Variants in PCDHGA4 observed in about 807,000 individuals in gnomAD.
PCDHGA4 encodes the protein protocadherin gamma-A4.
Under a neutral mutation model 54.6 loss-of-function variants are expected in PCDHGA4, and 38 were observed. The observed-to-expected ratio is 0.70, with a 90% CI of 0.54 to 0.91. The LOEUF (loss-of-function observed/expected upper bound fraction) is 0.91, where lower values mean the gene tolerates loss of function less well. Among genes scored for constraint, PCDHGA4 ranks in the 40% least tolerant of loss-of-function variants. The probability of loss-of-function intolerance (pLI) is 0.00; values close to 1 mark genes in which losing one functional copy is unlikely to be tolerated. For missense variants in PCDHGA4, 1,298 were observed against 1,220.9 expected (o/e 1.06, Z -0.94); for synonymous variants, 511 against 512.9 (o/e 1.00, Z 0.05).
rs760367783 is a variant in PCDHGA4 at position 141,394,819 on chromosome 5, C to T, written c.2514+37198C>T. The T allele has an allele frequency of 2.5e-6, 4 of 1,613,890 alleles. No individual in the cohort carries two copies. In the South Asian group the frequency reaches 4.4e-5, roughly 18 times the overall value. On this transcript the variant is annotated intron_variant, in intron 1 of 3. Transcript: ENST00000571252. ...ACCGTAGCCGTGGCTGACAGCATCCCCGAAGTCCTGACCGAGTTGGGCAGT... is the reference window on the plus strand; with the variant it reads ...ACCGTAGCCGTGGCTGACAGCATCCTCGAAGTCCTGACCGAGTTGGGCAGT...
chr5:141,419,032 A>G (rs1421513275), intron 1 of PCDHGA4: 2 of 1,614,004 alleles, frequency 1.2e-6, no homozygotes, highest in Non-Finnish European at 1.7e-6. Flanking sequence ...GAGGTGTTCC[A>G]TTTAAGATTC....
chr5:141,415,755 T>C (rs753465209), intron 1 of PCDHGA4: 19 of 1,387,632 alleles, frequency 1.4e-5, no homozygotes, highest in Middle Eastern at 2.6e-4. Flanking sequence ...TTTTTTTTTT[T>C]TTTTTTTTTT....
intron 1 of PCDHGA4, among the ~76,000 whole-genome samples, chr5:141,407,761 G>T (rs938743690): frequency 6.6e-6 from 1 of 152,132 alleles, no homozygotes; most frequent in Non-Finnish European, 1.5e-5. Context: ...GTATAAGTTT[G>T]AAATTGTGCA....
chr5:141,374,773 A>T (rs192855761), intron 1 of PCDHGA4: 9 of 1,613,812 alleles, frequency 5.6e-6, no homozygotes, highest in Middle Eastern at 1.6e-4. Context: ...AAATTCTGGT[A>T]ACAGTTCTAG....
Position 141,355,069 on chromosome 5 carries a change from G to A in PCDHGA4, c.-39G>A, listed in dbSNP as rs1759706745. 7.5e-7 allele frequency: 1 copy of A among 1,342,004 alleles called. No individual in the cohort carries two copies. Among genetic ancestry groups the A allele is most frequent in the Non-Finnish European group, 1.0e-6 (1 of 999,940 alleles). The allele number at this position is 1,342,004 out of a possible 1,614,324, so 83.1% of individuals were successfully genotyped here. ...CAAAGCACTGGCTCTGGAGCTTTATGAAAGCTTCAAGCGGAAGCCCTGAGA... is the reference window on the plus strand; with the variant it reads ...CAAAGCACTGGCTCTGGAGCTTTATAAAAGCTTCAAGCGGAAGCCCTGAGA... On this transcript the variant is annotated 5_prime_UTR_variant, in exon 1 of 4. An upstream start codon of the reference 5' UTR is lost. Transcript: ENST00000571252.
In PCDHGA4 at chr5:141,355,745, T is replaced by C; in HGVS notation, c.638T>C (p.Val213Ala). 6.2e-6 allele frequency: 10 copies of C among 1,614,006 alleles called. No individual in the cohort carries two copies. The highest frequency in any genetic ancestry group is 8.5e-6 in the Non-Finnish European group (10 of 1,179,894). The change falls in exon 1 of 4, where the codon GTG becomes GCG. Residue 213 changes from valine to alanine, a missense_variant. Val to Ala is a moderately conservative substitution (Grantham distance 64). Coordinates refer to ENST00000571252, the MANE Select transcript of PCDHGA4 (RefSeq NM_018917.4). The stretch of plus-strand genomic sequence containing the variant: ...TCAAACGGTTACTTTTCCCTGGACG[T>C]GCAAAGTGGGGCCGATGGGATTAAG... ...LNSNGYFSLD[V>A]QSGADGIKYP...
chr5:141,357,355 T>C lies in PCDHGA4; in HGVS notation c.2248T>C (p.Trp750Arg). 1.2e-6 allele frequency: 2 copies of C among 1,614,154 alleles called. No homozygotes were observed. Among genetic ancestry groups the C allele is most frequent in the Non-Finnish European group, 1.7e-6 (2 of 1,179,962 alleles). ...GCTGCTAGCACTCAAGCTGAGACGC[T>C]GGCACAAGTCACGCCTGCTTCACGC... The part of the protein sequence containing the change: ...TVLLALKLRR[W>R]HKSRLLHAEG... Residue 750 changes from tryptophan to arginine, a missense_variant, in exon 1 of 4, where the codon TGG becomes CGG. Transcript: ENST00000571252.
At chr5:141,362,375 C>T (rs755032384) in intron 1 of PCDHGA4, 5 of 1,613,922 alleles carry the variant, frequency 3.1e-6, no homozygotes, top group Admixed American at 1.7e-5. Context: ...AGTGAGGGTA[C>T]ATTGCCCTAT....
chr5:141,387,563 A>C (rs1589038442), intron 1 of PCDHGA4: 1 of 438,342 alleles, frequency 2.3e-6, no homozygotes, highest in East Asian at 3.7e-5. Context: ...TTAGGCACAC[A>C]ATTATAATTA....
chr5:141,392,783 G>T, intron 1 of PCDHGA4: 1 of 1,542,922 alleles, frequency 6.5e-7, no homozygotes, highest in Admixed American at 2.1e-5. Flanking sequence ...GCACAGTGAA[G>T]ATTCTGAGAG....
At position 141,431,176 on chromosome 5, in the gene PCDHGA4, A is replaced by G; in HGVS notation, c.2515-63631A>G. On this transcript the variant is annotated intron_variant, in intron 1 of 3. Coordinates refer to ENST00000571252, the MANE Select transcript of PCDHGA4 (RefSeq NM_018917.4). The surrounding 1 kb of genome is among the most constrained non-coding windows in gnomAD (Gnocchi z 4.8). Reference sequence around the variant, plus strand: ...CTTACTTTCGTGAAAGTGAATTAGAAATAAAAATTAGTGAAAATGCAGCCA... The same window carrying G: ...CTTACTTTCGTGAAAGTGAATTAGAGATAAAAATTAGTGAAAATGCAGCCA... The G allele has an allele frequency of 1.2e-6, 2 of 1,614,212 alleles. No individual in the cohort carries two copies. Among genetic ancestry groups the G allele is most frequent in the Non-Finnish European group, 1.7e-6 (2 of 1,180,032 alleles).
rs1371168297 is a variant in PCDHGA4, at chr5:141,355,112, A to C, written c.5A>C (p.His2Pro). Reference sequence around the variant, plus strand: ...CCCTGAGAGCTCTGGCTGTGAATGCACTTTATTTTGGACCCAGAAGATCCT... The same window carrying C: ...CCCTGAGAGCTCTGGCTGTGAATGCCCTTTATTTTGGACCCAGAAGATCCT... M[H>P]FILDPEDPGA... is the part of the protein sequence containing the mutation. The change falls in exon 1 of 4, where the codon CAC (histidine) becomes CCC (proline). Residue 2 changes from histidine to proline, a missense_variant. Transcript: ENST00000571252. 4.0e-6 allele frequency: 6 copies of C among 1,509,972 alleles called. No homozygotes were observed. The highest frequency in any genetic ancestry group is 4.4e-6 in the Non-Finnish European group (5 of 1,131,736). 93.5% of individuals were successfully genotyped at this position (1,509,972 alleles called of 1,614,324 possible).
intron 1 of PCDHGA4, chr5:141,410,438 G>A (rs957017717): frequency 2.5e-6 from 4 of 1,613,894 alleles, no homozygotes; most frequent in African/African-American, 2.7e-5. Flanking sequence ...CTACAGTGAG[G>A]GGACTTTGCC....
rs1490232734 is a variant in PCDHGA4, at chr5:141,356,089, C to T, written c.982C>T (p.Leu328=). ...KISQLFQLNS[L]SGDITILGGL... is the part of the protein sequence containing the mutation. ...ATCACAGCTATTTCAGTTGAATTCT[C>T]TGAGTGGGGATATAACAATATTGGG... The change falls in exon 1 of 4, where the codon CTG becomes TTG. Residue 328 remains leucine (L), a synonymous_variant. Coordinates refer to ENST00000571252, the MANE Select transcript of PCDHGA4 (RefSeq NM_018917.4). 2 of 1,613,748 alleles carry T rather than the reference C, an allele frequency of 1.2e-6. No individual in the cohort carries two copies. Among genetic ancestry groups the T allele is most frequent in the Admixed American group, 3.3e-5 (2 of 60,002 alleles).
intron 2 of PCDHGA4, among the ~76,000 whole-genome samples, chr5:141,495,262 A>G (rs550950979): frequency 1.3e-5 from 2 of 152,246 alleles, no homozygotes; most frequent in South Asian, 2.1e-4. Flanking sequence ...GCAGAAAAGC[A>G]TTTGACCGGA....
chr5:141,461,196 T>C (rs1398352067), intron 1 of PCDHGA4, among the ~76,000 whole-genome samples: 3 of 152,128 alleles, frequency 2.0e-5, no homozygotes. Context: ...TGTTTTTTGC[T>C]CTTTAGAGAA....
chr5:141,455,143 T>C (rs984886337), intron 1 of PCDHGA4, among the ~76,000 whole-genome samples: 1 of 149,894 alleles, frequency 6.7e-6, no homozygotes, highest in Non-Finnish European at 1.5e-5. Flanking sequence ...CTGTGTTAAA[T>C]AAATATTAGT....
intron 1 of PCDHGA4, among the ~76,000 whole-genome samples, chr5:141,424,873 A>G (rs549945556): frequency 3.9e-5 from 6 of 152,198 alleles, no homozygotes; most frequent in Non-Finnish European, 8.8e-5. Context: ...CAAATGAGGA[A>G]AGGAGACTTA....
rs192424877 is a variant in PCDHGA4, at chr5:141,361,678, T to C, written c.2514+4057T>C. On this transcript the variant is annotated intron_variant, in intron 1 of 3. Coordinates refer to ENST00000571252, the MANE Select transcript of PCDHGA4 (RefSeq NM_018917.4). The stretch of plus-strand genomic sequence containing the variant: ...CGTGAGCGCGCAGAGCGGGGTGGTG[T>C]TCGCGCAGCGCGCCTTCGATCATGA... The C allele has an allele frequency of 2.5e-3, 4,039 of 1,613,592 alleles. 13 individuals carry two copies. The highest frequency in any genetic ancestry group is 3.0e-3 in the Non-Finnish European group (3,545 of 1,179,894).
Sources: allele counts gnomAD v4.1 joint callset (sites outside exome capture counted in the v4.1 genomes callset), GRCh38; gene constraint gnomAD v4.1.1; non-coding constraint Gnocchi (gnomAD v3.1); transcripts MANE v1.5; gene names NCBI Gene and HGNC (gene_info 2026-07-23, HGNC 2026-07-21).